The following TTC12 variants were observed in gnomAD, a reference collection of about 807,000 sequenced individuals.
The protein encoded by TTC12 is tetratricopeptide repeat protein 12.
Under a neutral mutation model 90.1 loss-of-function variants are expected in TTC12, and 70 were observed. That is an observed-to-expected ratio of 0.78 (90% confidence interval 0.64 to 0.95). The LOEUF (loss-of-function observed/expected upper bound fraction) is 0.95. Among genes scored for constraint, TTC12 ranks in the 40% least tolerant of loss-of-function variants. TTC12 has a pLI of 0.00. For synonymous variants in TTC12, 296 were observed against 311.5 expected (o/e 0.95, Z 0.53); for missense variants, 819 against 846.1 (o/e 0.97, Z 0.40).
rs534992183 is a variant in TTC12, at chr11:113,338,959, A to G, written c.637+125A>G. ...CAGCGGCGGATCCTCTTTCCTGCAC[A>G]GTTGGGTCCTCTGTGTTAACCAGCC... On this transcript the variant is annotated intron_variant, in intron 9 of 21. Coordinates refer to ENST00000529221, the MANE Select transcript of TTC12 (RefSeq NM_017868.4). 6 of 821,976 alleles carry G rather than the reference A, an allele frequency of 7.3e-6. No homozygotes were observed. In the South Asian group the frequency reaches 7.9e-5, roughly 11 times the overall value. 50.9% of individuals were successfully genotyped at this position (821,976 alleles called of 1,614,324 possible).
At chr11:113,359,277 C>A in intron 16 of TTC12, 86 bp from the exon 17 acceptor site, 1 of 857,626 alleles carries the variant, frequency 1.2e-6, no homozygotes, top group Non-Finnish European at 1.9e-6. Flanking sequence ...GTGTGGGGAA[C>A]TCTGAGACCC....
At chr11:113,365,746 T>C (rs984034246) in intron 21 of TTC12, among the ~76,000 whole-genome samples, 2 of 152,026 alleles carry the variant, frequency 1.3e-5, no homozygotes, top group Non-Finnish European at 2.9e-5. Flanking sequence ...AGAGCAAGGG[T>C]AACCCCGGGA....
chr11:113,373,157 C>A, exon 22 of TTC12: 1 of 984,632 alleles, frequency 1.0e-6, no homozygotes, highest in Non-Finnish European at 1.2e-6. Context: ...AGTTAAGCAA[C>A]TGGTCCAAGA....
chr11:113,363,775 C>T, intron 19 of TTC12, 53 bp from the exon 20 acceptor site: 1 of 1,287,262 alleles, frequency 7.8e-7, no homozygotes, highest in Non-Finnish European at 1.1e-6. Context: ...GGTTTGTGGT[C>T]AAGAGCAATC....
At chr11:113,315,928 C>T in intron 1 of TTC12, 1 of 210,538 alleles carries the variant, frequency 4.7e-6, no homozygotes, top group Non-Finnish European at 9.3e-6. Flanking sequence ...CTGTCATCTG[C>T]TCTCTTCTCA....
At chr11:113,324,740 C>G in intron 5 of TTC12, 58 bp downstream of exon 5, 5 of 1,460,918 alleles carry the variant, frequency 3.4e-6, no homozygotes, top group Non-Finnish European at 4.8e-6. Flanking sequence ...AAAGAGCACA[C>G]GAAGGCCTGT....
intron 12 of TTC12, among the ~76,000 whole-genome samples, chr11:113,342,489 T>C (rs1446668559): frequency 6.6e-6 from 1 of 152,192 alleles, no homozygotes; most frequent in Non-Finnish European, 1.5e-5. Flanking sequence ...TTTTACTTAC[T>C]TCTGTCATTT....
intron 16 of TTC12, among the ~76,000 whole-genome samples, chr11:113,355,482 T>C (rs1411762967): frequency 6.6e-6 from 1 of 152,192 alleles, no homozygotes; most frequent in African/African-American, 2.4e-5. Flanking sequence ...TGGTTATTTC[T>C]TGTCTTCTGC....
intron 2 of TTC12, among the ~76,000 whole-genome samples, chr11:113,322,559 G>A (rs1207288399): frequency 2.6e-5 from 4 of 152,204 alleles, no homozygotes; most frequent in African/African-American, 9.6e-5. Context: ...ATTGCAAACT[G>A]TTAAAAGTCA....
intron 2 of TTC12, among the ~76,000 whole-genome samples, chr11:113,320,032 A>C (rs1947202892): frequency 6.6e-6 from 1 of 152,236 alleles, no homozygotes; most frequent in Non-Finnish European, 1.5e-5. Flanking sequence ...TAACACACTA[A>C]AATTAAAAAG....
At chr11:113,363,967 G>C (rs1310311977) in intron 20 of TTC12, 40 bp downstream of exon 20, 1 of 1,413,882 alleles carries the variant, frequency 7.1e-7, no homozygotes, top group East Asian at 2.3e-5. Context: ...TGTCCCAGAG[G>C]TTCATCCACC....
intron 13 of TTC12, 69 bp downstream of exon 13, chr11:113,344,509 G>T: frequency 6.8e-7 from 1 of 1,459,988 alleles, no homozygotes; most frequent in Non-Finnish European, 9.4e-7. Flanking sequence ...AGGCATGCCT[G>T]TCTCCCCTCC....
intron 7 of TTC12, among the ~76,000 whole-genome samples, chr11:113,334,629 C>T (rs926575072): frequency 7.3e-5 from 11 of 151,196 alleles, no homozygotes; most frequent in African/African-American, 2.4e-4. Context: ...GGTGCAGGGC[C>T]GGCAGGATTT....
chr11:113,320,278 CTT>C (rs1321784192), intron 2 of TTC12, among the ~76,000 whole-genome samples: 4 of 152,158 alleles, frequency 2.6e-5, no homozygotes, highest in African/African-American at 9.7e-5. Context: ...AAAAAGTTGC[CTT>C]TTGGCCTGCC....
intron 13 of TTC12, among the ~76,000 whole-genome samples, chr11:113,349,388 C>A (rs1436971753): frequency 6.6e-6 from 1 of 152,214 alleles, no homozygotes; most frequent in Admixed American, 6.5e-5. Flanking sequence ...GCTGGATGAA[C>A]AAATTACTCT....
intron 1 of TTC12, 124 bp from the exon 2 acceptor site, chr11:113,316,119 T>C (rs1946924744): frequency 2.3e-6 from 1 of 430,772 alleles, no homozygotes; most frequent in African/African-American, 2.0e-5. Context: ...CTGTTATTCA[T>C]TGACATAAAC....
At chr11:113,358,360 GGCTGGTGCATGGTGATGGGGTACTCT>G (rs1555153216) in intron 16 of TTC12, among the ~76,000 whole-genome samples, 1 of 152,134 alleles carries the variant, frequency 6.6e-6, no homozygotes. Flanking sequence ...GGAGCATGTG[GGCTGGTGCATGGTGATGGGGTACTCT>G]GCTGGTGCTC....
At chr11:113,343,993 G>A (rs1450929480) in intron 12 of TTC12, among the ~76,000 whole-genome samples, 1 of 152,206 alleles carries the variant, frequency 6.6e-6, no homozygotes, top group East Asian at 1.9e-4. Flanking sequence ...GCACAGTCAT[G>A]TACTAACTTA....
At chr11:113,360,765 T>G (rs2138070793) in intron 18 of TTC12, among the ~76,000 whole-genome samples, 1 of 152,342 alleles carries the variant, frequency 6.6e-6, no homozygotes, top group Admixed American at 6.5e-5. Flanking sequence ...GACTGAGGAC[T>G]GCCTCCACAG....
Sources: allele counts gnomAD v4.1 joint callset (sites outside exome capture counted in the v4.1 genomes callset), GRCh38; gene constraint gnomAD v4.1.1; transcripts MANE v1.5; gene names NCBI Gene and HGNC (gene_info 2026-07-23, HGNC 2026-07-21).